QSOX2: variants seen among roughly 807,000 people sequenced by gnomAD.
QSOX2 encodes the protein sulfhydryl oxidase 2.
Under a neutral mutation model 61.7 loss-of-function variants are expected in QSOX2, and 46 were observed. The ratio of observed to expected loss-of-function variants is 0.75; its 90% confidence interval spans 0.59 to 0.95. The LOEUF (loss-of-function observed/expected upper bound fraction) is 0.95. Among genes scored for constraint, QSOX2 ranks in the 40% least tolerant of loss-of-function variants. QSOX2 has a pLI of 0.00. For synonymous variants in QSOX2, 383 were observed against 388.4 expected, an observed-to-expected ratio of 0.99 and a Z score of 0.16; for missense variants, 879 against 918.9, an observed-to-expected ratio of 0.96 and a Z score of 0.56.
chr9:136,235,304 C>A (rs761522950), intron 1 of QSOX2, among the ~76,000 whole-genome samples: 1 of 152,254 alleles, frequency 6.6e-6, no homozygotes, highest in African/African-American at 2.4e-5. Context: ...GTCCCCACGA[C>A]GGCCACACCT....
intron 1 of QSOX2, 36 bp downstream of exon 1, chr9:136,245,440 G>A (rs781907627): frequency 6.4e-7 from 1 of 1,550,914 alleles, no homozygotes; most frequent in Non-Finnish European, 8.7e-7. Context: ...CGCGGTCCCG[G>A]GGGTCGGGGG....
rs114930030 is a variant in QSOX2 at position 136,211,536 on chromosome 9, A to G, written c.1361-84T>C. On this transcript the variant is annotated intron_variant, in intron 10 of 11. Coordinates refer to ENST00000358701, the MANE Select transcript of QSOX2 (RefSeq NM_181701.4). ...GCTTGTCCAGAGAGCCTGGGGGGAAACCGCTCCTGACATGTCGGGAAGCCA... is the reference window on the plus strand; with the variant it reads ...GCTTGTCCAGAGAGCCTGGGGGGAAGCCGCTCCTGACATGTCGGGAAGCCA... 1.7e-3 allele frequency: 2,395 copies of G among 1,402,828 alleles called. 36 individuals are homozygous for G. In the African/African-American group the frequency reaches 0.028, roughly 16 times the overall value. The allele number at this position is 1,402,828 out of a possible 1,614,324, so 86.9% of individuals were successfully genotyped here.
At position 136,222,953 on chromosome 9, in the gene QSOX2, C is replaced by T. The variant is rs1830236397; in HGVS notation, c.675+810G>A. Among the ~76,000 whole-genome samples, 1 of 152,226 alleles carries T rather than the reference C, an allele frequency of 6.6e-6. No homozygotes were observed. The highest frequency in any genetic ancestry group is 2.1e-4 in the South Asian group (1 of 4,832). On this transcript the variant is annotated intron_variant, in intron 5 of 11. Transcript: ENST00000358701. This position sits in a 1 kb window ranked among gnomAD's most constrained non-coding sequence, Gnocchi z 6.9. Reference sequence around the variant, plus strand: ...GGCCAACCATCTGGAGGCAGCCTGGCGTCACCATCAAACCTGGAGGGGGCG... The same window carrying T: ...GGCCAACCATCTGGAGGCAGCCTGGTGTCACCATCAAACCTGGAGGGGGCG...
intron 2 of QSOX2, among the ~76,000 whole-genome samples, chr9:136,226,476 C>A (rs1588637488): frequency 6.6e-6 from 1 of 152,190 alleles, no homozygotes; most frequent in Non-Finnish European, 1.5e-5. Context: ...CTCCTTGCGC[C>A]CCCTGGCCGT....
chr9:136,217,666 G>A (rs767730061), intron 8 of QSOX2, among the ~76,000 whole-genome samples: 1 of 152,232 alleles, frequency 6.6e-6, no homozygotes, highest in Admixed American at 6.5e-5. Flanking sequence ...AGACTAAGGG[G>A]AAGACGGAGA....
chr9:136,239,739 C>T (rs1322441881), intron 1 of QSOX2, among the ~76,000 whole-genome samples: 2 of 152,218 alleles, frequency 1.3e-5, no homozygotes, highest in Non-Finnish European at 2.9e-5. Flanking sequence ...GGGCACCCCA[C>T]GTCGCCTTTG....
rs554904596 is a variant in QSOX2, at chr9:136,241,638, C to T, written c.328+3838G>A. On this transcript the variant is annotated intron_variant, in intron 1 of 11. Transcript: ENST00000358701. ...CCCATCCCGGCCTGTCACTCAGCTG[C>T]GTGACCGTGACTATCCCACGCAACC... Among the ~76,000 whole-genome samples the T allele has an allele frequency of 1.1e-4, 16 of 152,342 alleles. No individual in the cohort carries two copies. The South Asian group carries it at 1.2e-3, about 12-fold the overall frequency.
chr9:136,219,134 A>G lies in QSOX2; in HGVS notation c.852T>C (p.Ser284=). The change falls in exon 7 of 12, where the codon TCT becomes TCC. Residue 284 remains serine (S), a synonymous_variant. Coordinates refer to ENST00000358701, the MANE Select transcript of QSOX2 (RefSeq NM_181701.4). Reference sequence around the variant, plus strand: ...TCACATCCGGCAATGACTTCAAATAAGACGAAAAGAAGGCCCGCAGAGGCT... The same window carrying G: ...TCACATCCGGCAATGACTTCAAATAGGACGAAAAGAAGGCCCGCAGAGGCT... ...VVKPLRAFFS[S]YLKSLPDVRK... The G allele has an allele frequency of 6.2e-6, 10 of 1,614,028 alleles. No homozygotes were observed. Among genetic ancestry groups the G allele is most frequent in the Non-Finnish European group, 8.5e-6 (10 of 1,179,996 alleles).
At chr9:136,242,531 G>C (rs1588642906) in intron 1 of QSOX2, among the ~76,000 whole-genome samples, 1 of 152,276 alleles carries the variant, frequency 6.6e-6, no homozygotes, top group Admixed American at 6.5e-5. Context: ...ACTGATCTGA[G>C]TCAGGTCAAC....
chr9:136,212,453 G>A (rs2131049671), intron 10 of QSOX2, among the ~76,000 whole-genome samples: 1 of 152,372 alleles, frequency 6.6e-6, no homozygotes, highest in African/African-American at 2.4e-5. Context: ...AAACACAGCT[G>A]CGTGCAGGCC....
At chr9:136,213,243 GTTTTTTTTTTTTTT>G (rs398046934) in intron 10 of QSOX2, among the ~76,000 whole-genome samples, 1 of 111,046 alleles carries the variant, frequency 9.0e-6, no homozygotes, top group Non-Finnish European at 1.8e-5. Flanking sequence ...GTTTTGTTGT[GTTTTTTTTTTTTTT>G]TTTTTTTTGA....
intron 3 of QSOX2, among the ~76,000 whole-genome samples, 174 bp from the exon 4 acceptor site, chr9:136,224,286 C>T (rs962018461): frequency 6.6e-6 from 1 of 152,246 alleles, no homozygotes; most frequent in Non-Finnish European, 1.5e-5. Context: ...AGGCGTGGTA[C>T]AGACAGCGCT....
At position 136,211,290 on chromosome 9, in the gene QSOX2, T is replaced by C. The variant is rs1430664026; in HGVS notation, c.1523A>G (p.His508Arg). The C allele has an allele frequency of 1.1e-5, 18 of 1,614,084 alleles. No homozygotes were observed. The highest frequency in any genetic ancestry group is 1.5e-5 in the Non-Finnish European group (18 of 1,180,026). ...TGCCAGGCGGCCGTTCACCATATTA[T>C]GCTTCTTCCACAGCCAGAGGATGGC... ...DQAILWLWKKHNMVNGRLAGH... is the reference protein window; with the variant it reads ...DQAILWLWKKRNMVNGRLAGH... The change falls in exon 11 of 12, where the codon CAT (histidine) becomes CGT (arginine). Residue 508 changes from histidine to arginine, a missense_variant. His to Arg is a conservative substitution (Grantham distance 29). Transcript: ENST00000358701.
At chr9:136,240,109 C>T (rs556910832) in intron 1 of QSOX2, among the ~76,000 whole-genome samples, 5 of 152,182 alleles carry the variant, frequency 3.3e-5, no homozygotes, top group Admixed American at 6.5e-5. Context: ...GTGGCAGGGG[C>T]GGGGGTGCCC....
intron 9 of QSOX2, among the ~76,000 whole-genome samples, chr9:136,215,924 A>G (rs1831906787): frequency 6.6e-6 from 1 of 152,236 alleles, no homozygotes; most frequent in African/African-American, 2.4e-5. Context: ...CTCGGAGTAG[A>G]GTCAAGGTGG....
chr9:136,215,387 CTGGGGGGGG>C, intron 9 of QSOX2, 83 bp from the exon 10 acceptor site: 3 of 1,274,514 alleles, frequency 2.4e-6, no homozygotes, highest in Non-Finnish European at 2.1e-6. Context: ...GCCTTCTTGA[CTGGGGGGGG>C]TGGATAATGG....
rs1830464784 is a variant in QSOX2 at position 136,245,462 on chromosome 9, G to A, written c.328+14C>T. 1 of 1,581,226 alleles carries A rather than the reference G, an allele frequency of 6.3e-7. No homozygotes were observed. Among genetic ancestry groups the A allele is most frequent in the Non-Finnish European group, 8.5e-7 (1 of 1,171,834 alleles). ...CCGGGGGTCGGGGGGTCCCCGCGCGGGGGCGCGCCTCACCTCGCACATCCC... is the reference window on the plus strand; with the variant it reads ...CCGGGGGTCGGGGGGTCCCCGCGCGAGGGCGCGCCTCACCTCGCACATCCC... On this transcript the variant is annotated intron_variant, in intron 1 of 11. Transcript: ENST00000358701.
In QSOX2 at chr9:136,219,116, C is replaced by T. The variant is rs148071493; in HGVS notation, c.870G>A (p.Pro290=). The T allele has an allele frequency of 1.2e-5, 19 of 1,614,052 alleles. 1 individual carries two copies. The highest frequency in any genetic ancestry group is 9.9e-5 in the South Asian group (9 of 91,088). ...AFFSSYLKSL[P]DVRKKSLPLP... is the part of the protein sequence containing the mutation. Reference sequence around the variant, plus strand: ...AGGGAAGCGATTTTTTCCTCACATCCGGCAATGACTTCAAATAAGACGAAA... The same window carrying T: ...AGGGAAGCGATTTTTTCCTCACATCTGGCAATGACTTCAAATAAGACGAAA... The change falls in exon 7 of 12, where the codon CCG becomes CCA. Residue 290 remains proline (P), a synonymous_variant. Coordinates refer to ENST00000358701, the MANE Select transcript of QSOX2 (RefSeq NM_181701.4).
rs1831803875 is a variant in QSOX2, at chr9:136,208,531, A to C, written c.*197T>G. 1 of 610,262 alleles carries C rather than the reference A, an allele frequency of 1.6e-6. No individual in the cohort carries two copies. Among genetic ancestry groups the C allele is most frequent in the Non-Finnish European group, 2.7e-6 (1 of 366,362 alleles). 37.8% of individuals were successfully genotyped at this position (610,262 alleles called of 1,614,324 possible). A position where few individuals can be genotyped will look rare whatever the true frequency, so the allele number is the denominator to read the frequency against. ...GTACGCCAGGAATGCAAATATCCCC[A>C]CAAAATTACCCCGTGTTCTTCCCTT... On this transcript the variant is annotated 3_prime_UTR_variant, in exon 12 of 12. Coordinates refer to ENST00000358701, the MANE Select transcript of QSOX2 (RefSeq NM_181701.4).
Sources: gnomAD v4.1 joint callset for allele counts (sites outside exome capture counted in the v4.1 genomes callset) on GRCh38, gnomAD v4.1.1 for gene constraint, Gnocchi (gnomAD v3.1) non-coding constraint, MANE v1.5 for transcripts, NCBI Gene and HGNC (gene_info 2026-07-23, HGNC 2026-07-21) for gene names.